NCCRP1: variants seen among roughly 807,000 people sequenced by gnomAD.
The protein encoded by NCCRP1 is NCCRP1, F-box associated domain containing.
Under a neutral mutation model 34.4 loss-of-function variants are expected in NCCRP1, and 32 were observed. The observed-to-expected ratio is 0.93, with a 90% CI of 0.70 to 1.25. The LOEUF (loss-of-function observed/expected upper bound fraction) is 1.25, where lower values mean the gene tolerates loss of function less well. Among genes scored for constraint, NCCRP1 ranks in the 50% most tolerant of loss-of-function variants. NCCRP1 has a pLI of 0.00. For synonymous variants in NCCRP1, 172 were observed against 180.1 expected, an observed-to-expected ratio of 0.95 and a Z score of 0.36; for missense variants, 372 against 391.8, an observed-to-expected ratio of 0.95 and a Z score of 0.43.
rs779308385 is a variant in NCCRP1, at chr19:39,197,164, C to T, written c.182C>T (p.Pro61Leu). 3.5e-6 allele frequency: 5 copies of T among 1,443,758 alleles called. No homozygotes were observed. The Admixed American group carries it at 1.2e-4, about 34-fold the overall frequency. The allele number at this position is 1,443,758 out of a possible 1,614,324, so 89.4% of individuals were successfully genotyped here. ...AAPEAPELPE[P>L]AQPSEAHARQ... ...CCGGAGGCCCCCGAGCTCCCCGAGC[C>T]GGCGCAGCCGTCCGAGGCTCACGCC... The change falls in exon 1 of 6, where the codon CCG (proline) becomes CTG (leucine). Residue 61 changes from proline (P) to leucine (L), a missense_variant. Coordinates refer to ENST00000339852, the MANE Select transcript of NCCRP1 (RefSeq NM_001001414.2).
Position 39,197,224 on chromosome 19 carries a change from G to T in NCCRP1, c.242G>T (p.Ser81Ile). 6.9e-7 allele frequency: 1 copy of T among 1,456,614 alleles called. No individual in the cohort carries two copies. The highest frequency in any genetic ancestry group is 9.0e-7 in the Non-Finnish European group (1 of 1,116,052). 90.2% of individuals were successfully genotyped at this position (1,456,614 alleles called of 1,614,324 possible). A position where few individuals can be genotyped will look rare whatever the true frequency, so the allele number is the denominator to read the frequency against. The change falls in exon 1 of 6, where the codon AGC (serine) becomes ATC (isoleucine). Residue 81 changes from serine to isoleucine, a missense_variant. Transcript: ENST00000339852. ...CTGCTGGAGGAGTGGGGGCCGCTGA[G>T]CGGGGGCCTGGAGCTGCCCCAGCGC... ...QLLLEEWGPL[S>I]GGLELPQRLT...
At position 39,200,786 on chromosome 19, in the gene NCCRP1, G is replaced by A. The variant is rs997896027; in HGVS notation, c.*30G>A. The A allele has an allele frequency of 2.5e-6, 4 of 1,595,870 alleles. No homozygotes were observed. The highest frequency in any genetic ancestry group is 1.7e-5 in the Admixed American group (1 of 58,548). ...CTGGCTCCTCTGTCCTGACCCCACAGCACCTCCCTGACCTTTAGGAGCCCC... is the reference window on the plus strand; with the variant it reads ...CTGGCTCCTCTGTCCTGACCCCACAACACCTCCCTGACCTTTAGGAGCCCC... On this transcript the variant is annotated 3_prime_UTR_variant, in exon 6 of 6. Transcript: ENST00000339852. The surrounding 1 kb of genome is among the most constrained non-coding windows in gnomAD (Gnocchi z 5.8).
At chr19:39,198,667 C>G (rs1482837277) in intron 3 of NCCRP1, among the ~76,000 whole-genome samples, 1 of 152,172 alleles carries the variant, frequency 6.6e-6, no homozygotes, top group East Asian at 1.9e-4. Context: ...CCATGTTGGC[C>G]AGGCTGGTCT....
intron 3 of NCCRP1, among the ~76,000 whole-genome samples, chr19:39,198,696 T>C (rs966389346): frequency 6.6e-6 from 1 of 152,130 alleles, no homozygotes; most frequent in African/African-American, 2.4e-5. Context: ...TCACCTCAAG[T>C]GATCTGCCTG....
In NCCRP1 at chr19:39,201,473, A is replaced by G. The variant is rs1229397401; in HGVS notation, c.*717A>G. The stretch of plus-strand genomic sequence containing the variant: ...TTACAGGTGCACAGCACCTCCCCCG[A>G]CTAATTTTTATATTTTTAGTAGAGA... On this transcript the variant is annotated 3_prime_UTR_variant, in exon 6 of 6. Transcript: ENST00000339852. The G allele has an allele frequency of 6.6e-6, 1 of 151,922 alleles. No individual in the cohort carries two copies. Among genetic ancestry groups the G allele is most frequent in the African/African-American group, 2.4e-5 (1 of 41,348 alleles). The allele number at this position is 151,922 out of a possible 1,614,324, so 9.4% of individuals were successfully genotyped here.
intron 4 of NCCRP1, 23 bp downstream of exon 4, chr19:39,199,288 C>G (rs758480278): frequency 6.2e-7 from 1 of 1,607,414 alleles, no homozygotes; most frequent in Non-Finnish European, 8.5e-7. Flanking sequence ...CCCCTGCCAG[C>G]CTGACCCCGT....
chr19:39,200,491 C>T lies in NCCRP1; in HGVS notation c.687+7C>T, dbSNP rs1480107705. On this transcript the variant is annotated splice_region_variant and intron_variant, in intron 5 of 5. Coordinates refer to ENST00000339852, the MANE Select transcript of NCCRP1 (RefSeq NM_001001414.2). This position sits in a 1 kb window ranked among gnomAD's most constrained non-coding sequence, Gnocchi z 5.8. ...CCCTGGCCGCTGGGTCCAGGTGAGA[C>T]TCTCCGCGCCGGGGCCCTCAACCCC... The T allele has an allele frequency of 6.2e-7, 1 of 1,612,102 alleles. No individual in the cohort carries two copies. The highest frequency in any genetic ancestry group is 8.5e-7 in the Non-Finnish European group (1 of 1,179,546).
At chr19:39,197,525 C>A (rs2074768101) in intron 1 of NCCRP1, among the ~76,000 whole-genome samples, 1 of 152,058 alleles carries the variant, frequency 6.6e-6, no homozygotes, top group Non-Finnish European at 1.5e-5. Flanking sequence ...TCACACCTCT[C>A]CCTCACACCT....
Position 39,200,603 on chromosome 19 carries a change from G to C in NCCRP1, c.688-13G>C, listed in dbSNP as rs775337353. On this transcript the variant is annotated splice_polypyrimidine_tract_variant and intron_variant, in intron 5 of 5. Coordinates refer to ENST00000339852, the MANE Select transcript of NCCRP1 (RefSeq NM_001001414.2). The surrounding 1 kb of genome is among the most constrained non-coding windows in gnomAD (Gnocchi z 5.8). ...AAAGGGCTCCTCCCTAACCCCAGGT[G>C]CTGTCACCACAGGTGTCCCACGTAT... 9.3e-6 allele frequency: 15 copies of C among 1,613,688 alleles called. No individual in the cohort carries two copies. In the African/African-American group the frequency reaches 2.0e-4, roughly 22 times the overall value.
At chr19:39,197,609 T>C (rs1355591237) in intron 1 of NCCRP1, among the ~76,000 whole-genome samples, 2 of 152,096 alleles carry the variant, frequency 1.3e-5, no homozygotes, top group African/African-American at 4.8e-5. Flanking sequence ...GACGGAGTCT[T>C]GCTGTCGCCC....
rs373404736 is a variant in NCCRP1 at position 39,199,170 on chromosome 19, C to G, written c.453C>G (p.Ser151Arg). 7.4e-6 allele frequency: 12 copies of G among 1,613,900 alleles called. No individual in the cohort carries two copies. The African/African-American group carries it at 1.1e-4, about 14-fold the overall frequency. ...GCCTCTCCCGGCCCTTCTTTCACAG[C>G]TGGACAGTGAAGCAGCAGTGTGTGG... ...IRTEKLQQNQSWTVKQQCVDL... is the reference protein window; with the variant it reads ...IRTEKLQQNQRWTVKQQCVDL... The change falls in exon 4 of 6, where the codon AGC (serine) becomes AGG (arginine). Residue 151 changes from serine (S) to arginine (R), a missense_variant and splice_region_variant. Transcript: ENST00000339852.
In NCCRP1 at chr19:39,198,082, A is replaced by T; in HGVS notation, c.367A>T (p.Thr123Ser). Residue 123 changes from threonine to serine, a missense_variant, in exon 2 of 6, where the codon ACT becomes TCT. Thr to Ser is a moderately conservative substitution (Grantham distance 58, BLOSUM62 1). Transcript: ENST00000339852. The part of the protein sequence containing the change: ...GINIYEPAPP[T>S]GPTQRPLETL... ...CAACATTTATGAGCCAGCACCCCCT[A>T]CTGGTCCCACCCAGCGACCCCTGGA... 1 of 1,613,976 alleles carries T rather than the reference A, an allele frequency of 6.2e-7. No homozygotes were observed. The highest frequency in any genetic ancestry group is 1.1e-5 in the South Asian group (1 of 91,066).
In NCCRP1 at chr19:39,200,965, G is replaced by A; in HGVS notation, c.*209G>A. 1 of 579,124 alleles carries A rather than the reference G, an allele frequency of 1.7e-6. No homozygotes were observed. Among genetic ancestry groups the A allele is most frequent in the Non-Finnish European group, 3.0e-6 (1 of 334,148 alleles). The allele number at this position is 579,124 out of a possible 1,614,324, so 35.9% of individuals were successfully genotyped here. A position where few individuals can be genotyped will look rare whatever the true frequency, so the allele number is the denominator to read the frequency against. ...CGGAGCCACTCCTTGTAAATTCAGT[G>A]CCCGACAGATGCTCTGGCACAGATG... On this transcript the variant is annotated 3_prime_UTR_variant, in exon 6 of 6. Transcript: ENST00000339852. This position sits in a 1 kb window ranked among gnomAD's most constrained non-coding sequence, Gnocchi z 5.8.
Position 39,200,318 on chromosome 19 carries a change from C to G in NCCRP1, c.549-28C>G. On this transcript the variant is annotated intron_variant, in intron 4 of 5. Coordinates refer to ENST00000339852, the MANE Select transcript of NCCRP1 (RefSeq NM_001001414.2). This position sits in a 1 kb window ranked among gnomAD's most constrained non-coding sequence, Gnocchi z 5.8. ...GGCTGGGTAGCTGAGACTGCAGTGA[C>G]AGCTGAAGGCCTTGACTCCGCCTGC... The G allele has an allele frequency of 1.2e-6, 2 of 1,610,178 alleles. No homozygotes were observed. The highest frequency in any genetic ancestry group is 8.5e-7 in the Non-Finnish European group (1 of 1,178,608).
At position 39,197,046 on chromosome 19, in the gene NCCRP1, C is replaced by T; in HGVS notation, c.64C>T (p.Leu22Phe). 1 of 1,532,858 alleles carries T rather than the reference C, an allele frequency of 6.5e-7. No individual in the cohort carries two copies. The highest frequency in any genetic ancestry group is 8.7e-7 in the Non-Finnish European group (1 of 1,146,214). The allele number at this position is 1,532,858 out of a possible 1,614,324, so 95.0% of individuals were successfully genotyped here. Residue 22 changes from leucine (L) to phenylalanine (F), a missense_variant, in exon 1 of 6, where the codon CTC becomes TTC. Physicochemically the swap from Leu to Phe is conservative, Grantham distance 22. Transcript: ENST00000339852. Reference sequence around the variant, plus strand: ...GATGGAAGCCGATGGGCCCGCGAGCCTCCAGGAGCTGCCTCCCTCGCCACG... The same window carrying T: ...GATGGAAGCCGATGGGCCCGCGAGCTTCCAGGAGCTGCCTCCCTCGCCACG... ...GGMEADGPAS[L>F]QELPPSPRSP...
At chr19:39,199,384 G>A in intron 4 of NCCRP1, 119 bp downstream of exon 4, 1 of 871,078 alleles carries the variant, frequency 1.1e-6, no homozygotes, top group Non-Finnish European at 1.8e-6. Flanking sequence ...TGGTGCTACA[G>A]GGTCCTGCCC....
rs766224896 is a variant in NCCRP1, at chr19:39,197,019, G to A, written c.37G>A (p.Gly13Arg). The A allele has an allele frequency of 3.9e-6, 6 of 1,535,428 alleles. No individual in the cohort carries two copies. In the South Asian group the frequency reaches 5.9e-5, roughly 15 times the overall value. ...GCGTGAGGGACACGCGCTCGGTGGC[G>A]GGATGGAAGCCGATGGGCCCGCGAG... is the stretch of plus-strand genomic sequence containing the variant. ...EVREGHALGGGMEADGPASLQ... is the reference protein window; with the variant it reads ...EVREGHALGGRMEADGPASLQ... The change falls in exon 1 of 6, where the codon GGG becomes AGG. Residue 13 changes from glycine (G) to arginine (R), a missense_variant. Coordinates refer to ENST00000339852, the MANE Select transcript of NCCRP1 (RefSeq NM_001001414.2).
Position 39,201,754 on chromosome 19 carries a change from A to G in NCCRP1, c.*998A>G, listed in dbSNP as rs2074789772. 6.6e-6 allele frequency: 1 copy of G among 152,234 alleles called. No homozygotes were observed. Among genetic ancestry groups the G allele is most frequent in the Non-Finnish European group, 1.5e-5 (1 of 68,062 alleles). The allele number at this position is 152,234 out of a possible 1,614,324, so 9.4% of individuals were successfully genotyped here. A position where few individuals can be genotyped will look rare whatever the true frequency, so the allele number is the denominator to read the frequency against. On this transcript the variant is annotated 3_prime_UTR_variant, in exon 6 of 6. Coordinates refer to ENST00000339852, the MANE Select transcript of NCCRP1 (RefSeq NM_001001414.2). Reference sequence around the variant, plus strand: ...TACCGCAGAGCCCACAAACCCAGGCATCTATCAAAGTCCCTCATTCATGAG... The same window carrying G: ...TACCGCAGAGCCCACAAACCCAGGCGTCTATCAAAGTCCCTCATTCATGAG...
At chr19:39,197,376 C>T in intron 1 of NCCRP1, 57 bp downstream of exon 1, 1 of 1,315,816 alleles carries the variant, frequency 7.6e-7, no homozygotes, top group Non-Finnish European at 9.8e-7. Flanking sequence ...GTCTCTTCCT[C>T]TTTCCCTGTT....
Sources: allele counts gnomAD v4.1 joint callset (sites outside exome capture counted in the v4.1 genomes callset), GRCh38; gene constraint gnomAD v4.1.1; non-coding constraint Gnocchi (gnomAD v3.1); transcripts MANE v1.5; gene names NCBI Gene and HGNC (gene_info 2026-07-23, HGNC 2026-07-21).